The following BCL7B variants were observed in gnomAD, a reference collection of about 807,000 sequenced individuals.
BCL7B encodes the protein B-cell CLL/lymphoma 7 protein family member B.
In BCL7B, 11 loss-of-function variants were observed where a neutral mutation model predicts 26.5. The ratio of observed to expected loss-of-function variants is 0.42; its 90% CI spans 0.26 to 0.69. The LOEUF is 0.69. Ranked by LOEUF, BCL7B falls within the 30% of genes least tolerant of loss-of-function variation. BCL7B has a pLI of 0.28. For missense variants in BCL7B, 215 were observed against 264.4 expected (o/e 0.81, Z 1.30); for synonymous variants, 111 against 107.9 (o/e 1.03, Z -0.18).
At chr7:73,552,642 G>A (rs868970487) in intron 1 of BCL7B, among the ~76,000 whole-genome samples, 2 of 151,900 alleles carry the variant, frequency 1.3e-5, no homozygotes, top group East Asian at 1.9e-4. Flanking sequence ...GTAGCTGGGC[G>A]TGGTGGCGTG....
chr7:73,541,692 C>A (rs781824605), intron 3 of BCL7B, among the ~76,000 whole-genome samples: 19 of 152,124 alleles, frequency 1.2e-4, no homozygotes, highest in Admixed American at 2.6e-4. Flanking sequence ...GTCTCGAACT[C>A]CTGACCTCAG....
Position 73,552,154 on chromosome 7 carries a change from C to T in BCL7B, c.168+13G>A. On this transcript the variant is annotated intron_variant, in intron 2 of 5. Transcript: ENST00000223368. ...AAAGAAAATGGTATCTTTTGATTTT[C>T]TTCCACACTTACCTCCTTGCTGTCT... 1 of 1,590,908 alleles carries T rather than the reference C, an allele frequency of 6.3e-7. No individual in the cohort carries two copies. The highest frequency in any genetic ancestry group is 8.6e-7 in the Non-Finnish European group (1 of 1,166,162).
intron 3 of BCL7B, chr7:73,542,854 T>C: frequency 2.2e-6 from 1 of 450,226 alleles, no homozygotes; most frequent in Non-Finnish European, 4.4e-6. Context: ...GCTGGGGGAC[T>C]GCTTGAGGCC....
chr7:73,538,916 AAC>A (rs574532802), intron 4 of BCL7B, among the ~76,000 whole-genome samples: 6 of 152,202 alleles, frequency 3.9e-5, no homozygotes, highest in Admixed American at 1.3e-4. Context: ...CATTCATTCC[AAC>A]AGTTACTAGA....
In BCL7B at chr7:73,554,016, G is replaced by T. The variant is rs561848382; in HGVS notation, c.93-1774C>A. 2.7e-5 allele frequency among the ~76,000 whole-genome samples: 4 copies of T among 149,952 alleles called. No individual in the cohort carries two copies. In the East Asian group the frequency reaches 7.8e-4, roughly 29 times the overall value. On this transcript the variant is annotated intron_variant, in intron 1 of 5. Coordinates refer to ENST00000223368, the MANE Select transcript of BCL7B (RefSeq NM_001707.4). ...AGATAGGGTCTCCGTCACCCAGGCT[G>T]GAGTGCAGTGGCGTGATCACCACTC...
At chr7:73,543,458 G>A (rs1161781082) in intron 3 of BCL7B, 90 bp downstream of exon 3, 6 of 1,226,684 alleles carry the variant, frequency 4.9e-6, no homozygotes, top group Non-Finnish European at 6.0e-6. Context: ...GGTTACAGGT[G>A]TGAGTCACTG....
intron 4 of BCL7B, 26 bp from the exon 5 acceptor site, chr7:73,538,039 A>C (rs1441399012): frequency 6.5e-7 from 1 of 1,534,742 alleles, no homozygotes; most frequent in Non-Finnish European, 8.8e-7. Flanking sequence ...GGTCGGCCTG[A>C]GGGCAGGGCT....
Position 73,537,940 on chromosome 7 carries a change from C to G in BCL7B, c.510G>C (p.Glu170Asp), listed in dbSNP as rs1583983714. The G allele has an allele frequency of 2.5e-6, 4 of 1,592,424 alleles. 1 individual carries two copies. The highest frequency in any genetic ancestry group is 1.8e-5 in the Admixed American group (1 of 55,098). Reference sequence around the variant, plus strand: ...ACTCAAAGTGATTGCTTACCTGTGTCTCTAGTGGAACTGGTTCTTCCTTGG... The same window carrying G: ...ACTCAAAGTGATTGCTTACCTGTGTGTCTAGTGGAACTGGTTCTTCCTTGG... ...TLTKEEPVPL[E>D]TQVVEEEEDS... is the part of the protein sequence containing the mutation. The change falls in exon 5 of 6, where the codon GAG becomes GAC. Residue 170 changes from glutamate (E) to aspartate (D), a missense_variant. Glu to Asp is a conservative substitution (Grantham distance 45). Coordinates refer to ENST00000223368, the MANE Select transcript of BCL7B (RefSeq NM_001707.4).
intron 3 of BCL7B, among the ~76,000 whole-genome samples, chr7:73,541,982 C>T (rs1316093809): frequency 6.6e-6 from 1 of 152,210 alleles, no homozygotes; most frequent in African/African-American, 2.4e-5. Flanking sequence ...CCTCAGACCT[C>T]CCAACACAGC....
chr7:73,544,302 T>C (rs1554583266), intron 2 of BCL7B, among the ~76,000 whole-genome samples: 1 of 152,094 alleles, frequency 6.6e-6, no homozygotes, highest in East Asian at 1.9e-4. Context: ...GTGCCTGTAA[T>C]CCCAGCTACT....
intron 1 of BCL7B, among the ~76,000 whole-genome samples, chr7:73,556,644 C>T (rs782288468): frequency 6.6e-6 from 1 of 152,238 alleles, no homozygotes; most frequent in Non-Finnish European, 1.5e-5. Flanking sequence ...ATTTTAGACA[C>T]GGGGTCTCTC....
chr7:73,537,304 T>A lies in BCL7B; in HGVS notation c.603A>T (p.Glu201Asp). Residue 201 changes from glutamate (E) to aspartate (D), a missense_variant, in exon 6 of 6, where the codon GAA becomes GAT. Physicochemically the swap from Glu to Asp is conservative, Grantham distance 45. Transcript: ENST00000223368. ...DQPTVPQTAS[E>D]S ...GCGGAGGGCCGGGATGGTGCTAGCT[T>A]TCTGACGCCGTCTGCGGCACTGTGG... The A allele has an allele frequency of 6.2e-7, 1 of 1,614,030 alleles. No homozygotes were observed.
chr7:73,545,314 G>A (rs1336740809), intron 2 of BCL7B, among the ~76,000 whole-genome samples: 2 of 152,090 alleles, frequency 1.3e-5, no homozygotes, highest in African/African-American at 2.4e-5. Flanking sequence ...CCAGGTTCAC[G>A]CCATTCTCTT....
At position 73,557,595 on chromosome 7, in the gene BCL7B, G is replaced by C; in HGVS notation, c.-17C>G. 7.8e-7 allele frequency: 1 copy of C among 1,277,450 alleles called. No individual in the cohort carries two copies. Among genetic ancestry groups the C allele is most frequent in the Non-Finnish European group, 1.0e-6 (1 of 997,844 alleles). The allele number at this position is 1,277,450 out of a possible 1,614,324, so 79.1% of individuals were successfully genotyped here. Reference sequence around the variant, plus strand: ...GCCCGACATGGCGGCGGCGGGAGCGGCGGGGGCCGGGGCACTGCTCCCAAG... The same window carrying C: ...GCCCGACATGGCGGCGGCGGGAGCGCCGGGGGCCGGGGCACTGCTCCCAAG... On this transcript the variant is annotated 5_prime_UTR_variant, in exon 1 of 6. Transcript: ENST00000223368.
chr7:73,544,000 G>C (rs1360564673), intron 2 of BCL7B: 1 of 173,368 alleles, frequency 5.8e-6, no homozygotes, highest in African/African-American at 2.4e-5. Context: ...ATTTGAGAAA[G>C]ATTCCTGTTT....
intron 3 of BCL7B, chr7:73,542,754 G>A (rs782772015): frequency 4.4e-5 from 12 of 270,768 alleles, no homozygotes; most frequent in South Asian, 9.9e-5. Flanking sequence ...CAGAAGCTTC[G>A]GCTTTGGGTA....
At chr7:73,543,217 C>G (rs1453391525) in intron 3 of BCL7B, among the ~76,000 whole-genome samples, 1 of 151,372 alleles carries the variant, frequency 6.6e-6, no homozygotes, top group African/African-American at 2.4e-5. Context: ...CACTCTGCAG[C>G]CCAGGCTGGA....
intron 2 of BCL7B, among the ~76,000 whole-genome samples, chr7:73,547,154 A>AG (rs1563428101): frequency 1.3e-5 from 2 of 150,832 alleles, no homozygotes; most frequent in South Asian, 4.2e-4. Context: ...CTCCATCTCA[A>AG]AAAAAAAAGC....
chr7:73,557,340 C>T (rs1792408288), intron 1 of BCL7B, 147 bp downstream of exon 1: 1 of 1,178,422 alleles, frequency 8.5e-7, no homozygotes, highest in African/African-American at 1.6e-5. Context: ...GACCTCACGC[C>T]GACGCCAGCG....
Sources: allele counts gnomAD v4.1 joint callset (sites outside exome capture counted in the v4.1 genomes callset), GRCh38; gene constraint gnomAD v4.1.1; transcripts MANE v1.5; gene names NCBI Gene and HGNC (gene_info 2026-07-23, HGNC 2026-07-21).